The following ZNF385B variants were observed in gnomAD, a reference collection of about 807,000 sequenced individuals.
The protein encoded by ZNF385B is zinc finger protein 385B.
Under a neutral mutation model 39.2 loss-of-function variants are expected in ZNF385B, and 23 were observed. The observed-to-expected ratio is 0.59, with a 90% CI of 0.42 to 0.83. ZNF385B has a LOEUF of 0.83. Among genes scored for constraint, ZNF385B ranks in the 40% least tolerant of loss-of-function variants. The pLI is 0.00. For missense variants in ZNF385B, 552 were observed against 598.9 expected (o/e 0.92, Z 0.82); for synonymous variants, 205 against 222.6 (o/e 0.92, Z 0.70).
At chr2:179,460,385 G>T (rs1362469712) in intron 6 of ZNF385B, among the ~76,000 whole-genome samples, 1 of 152,176 alleles carries the variant, frequency 6.6e-6, no homozygotes, top group Non-Finnish European at 1.5e-5. Flanking sequence ...AAGCAAGGAT[G>T]ATAATAGTTC....
intron 5 of ZNF385B, among the ~76,000 whole-genome samples, chr2:179,493,791 A>ATATGCATATATGTG (rs1483877603): frequency 6.9e-6 from 1 of 145,720 alleles, no homozygotes; most frequent in Non-Finnish European, 1.5e-5. Context: ...ACACATATGT[A>ATATGCATATATGTG]TACATATATG....
rs370375650 is a variant in ZNF385B at position 179,809,215 on chromosome 2, T to C, written c.-154-38543A>G. Among the ~76,000 whole-genome samples, 4 of 152,278 alleles carry C rather than the reference T, an allele frequency of 2.6e-5. No individual in the cohort carries two copies. In the East Asian group the frequency reaches 5.8e-4, roughly 22 times the overall value. On this transcript the variant is annotated intron_variant, in intron 1 of 9. Coordinates refer to ENST00000410066, the MANE Select transcript of ZNF385B (RefSeq NM_152520.6). The stretch of plus-strand genomic sequence containing the variant: ...CCATCTAAGTTTCAGGAAAAAGTAA[T>C]CTAATCTGAGATTCAGTTACATGGA...
chr2:179,634,354 C>T lies in ZNF385B; in HGVS notation c.299-89385G>A, dbSNP rs1691528319. ...TCTACAAAGAACTTAAGCAAATTTA[C>T]AAGAAAAAAAAATCAACCCCATCAA... On this transcript the variant is annotated intron_variant, in intron 3 of 9. Transcript: ENST00000410066. 4.0e-5 allele frequency among the ~76,000 whole-genome samples: 6 copies of T among 151,772 alleles called. 1 individual carries two copies. The South Asian group carries it at 1.2e-3, about 31-fold the overall frequency.
intron 1 of ZNF385B, among the ~76,000 whole-genome samples, chr2:179,780,104 C>T (rs1250319886): frequency 6.6e-6 from 1 of 152,040 alleles, no homozygotes; most frequent in Admixed American, 6.6e-5. Context: ...AACCACTGCG[C>T]TAAAGATTGC....
intron 3 of ZNF385B, among the ~76,000 whole-genome samples, chr2:179,718,721 A>G (rs1014127350): frequency 6.6e-6 from 1 of 150,772 alleles, no homozygotes; most frequent in Non-Finnish European, 1.5e-5. Context: ...TTCTATTTTC[A>G]GCCAAATGTG....
chr2:179,755,310 T>C (rs1005116354), intron 3 of ZNF385B, among the ~76,000 whole-genome samples: 1 of 152,234 alleles, frequency 6.6e-6, no homozygotes, highest in African/African-American at 2.4e-5. Context: ...TTTGTTATAA[T>C]TTCTGTTCTT....
At chr2:179,558,996 G>A (rs554248448) in intron 3 of ZNF385B, among the ~76,000 whole-genome samples, 2 of 152,318 alleles carry the variant, frequency 1.3e-5, no homozygotes, top group African/African-American at 2.4e-5. Context: ...AAAATGGTGA[G>A]GGATGATCTG....
intron 5 of ZNF385B, among the ~76,000 whole-genome samples, chr2:179,501,910 T>G (rs1418945585): frequency 3.3e-5 from 5 of 152,198 alleles, no homozygotes; most frequent in Non-Finnish European, 7.3e-5. Context: ...ATAAATTTTA[T>G]ATGAATGAAC....
intron 3 of ZNF385B, among the ~76,000 whole-genome samples, chr2:179,663,635 G>A (rs1338411628): frequency 1.3e-5 from 2 of 150,258 alleles, no homozygotes; most frequent in East Asian, 1.9e-4. Context: ...GCGTGAACTC[G>A]GGAGGCGGAG....
chr2:179,491,727 C>T (rs2055249653), intron 5 of ZNF385B, among the ~76,000 whole-genome samples: 1 of 152,100 alleles, frequency 6.6e-6, no homozygotes, highest in Admixed American at 6.6e-5. Flanking sequence ...GAGACAGGGT[C>T]TCACTCTGTT....
At chr2:179,632,585 C>G (rs1285720248) in intron 3 of ZNF385B, among the ~76,000 whole-genome samples, 1 of 152,086 alleles carries the variant, frequency 6.6e-6, no homozygotes, top group Non-Finnish European at 1.5e-5. Flanking sequence ...ACTAAATGCC[C>G]ACAAGAGAAG....
intron 3 of ZNF385B, among the ~76,000 whole-genome samples, chr2:179,675,021 C>A (rs764664586): frequency 3.3e-5 from 5 of 152,270 alleles, no homozygotes; most frequent in African/African-American, 1.2e-4. Flanking sequence ...GAGTTAGGGG[C>A]AGCAACCCCC....
At chr2:179,516,422 T>C (rs1429771406) in intron 5 of ZNF385B, among the ~76,000 whole-genome samples, 3 of 152,142 alleles carry the variant, frequency 2.0e-5, no homozygotes, top group Non-Finnish European at 4.4e-5. Flanking sequence ...GAGGTCCAGT[T>C]GCTCCTCATC....
chr2:179,450,652 G>C (rs530585635), intron 6 of ZNF385B, among the ~76,000 whole-genome samples: 1 of 152,042 alleles, frequency 6.6e-6, no homozygotes, highest in South Asian at 2.1e-4. Context: ...ACTGTTGGTG[G>C]GACTGTAAAC....
At chr2:179,686,833 A>C (rs544981341) in intron 3 of ZNF385B, among the ~76,000 whole-genome samples, 1 of 152,310 alleles carries the variant, frequency 6.6e-6, no homozygotes, top group South Asian at 2.1e-4. Flanking sequence ...TTGTTTAGAA[A>C]TACATATCTT....
chr2:179,746,886 G>A (rs1413680896), intron 3 of ZNF385B, among the ~76,000 whole-genome samples: 1 of 152,064 alleles, frequency 6.6e-6, no homozygotes, highest in Admixed American at 6.6e-5. Flanking sequence ...GATTTGACAT[G>A]TGCATGCAAA....
intron 1 of ZNF385B, among the ~76,000 whole-genome samples, chr2:179,829,368 TTAA>T (rs1323938333): frequency 3.3e-5 from 5 of 152,200 alleles, no homozygotes; most frequent in African/African-American, 9.6e-5. Context: ...TAGAAAAATA[TTAA>T]TAATAATCTA....
intron 6 of ZNF385B, among the ~76,000 whole-genome samples, chr2:179,449,224 A>C (rs929644736): frequency 4.6e-5 from 7 of 152,294 alleles, no homozygotes; most frequent in African/African-American, 1.7e-4. Flanking sequence ...GCGTGAGAGC[A>C]TAGAGCAGAA....
chr2:179,556,099 G>A (rs1355460102), intron 3 of ZNF385B, among the ~76,000 whole-genome samples: 1 of 148,064 alleles, frequency 6.8e-6, no homozygotes, highest in East Asian at 1.9e-4. Flanking sequence ...TGCAACAGAT[G>A]GCTTTTCAGA....
Sources: gnomAD v4.1 joint callset for allele counts (sites outside exome capture counted in the v4.1 genomes callset) on GRCh38, gnomAD v4.1.1 for gene constraint, MANE v1.5 for transcripts, NCBI Gene and HGNC (gene_info 2026-07-23, HGNC 2026-07-21) for gene names.